The following MACROD2 variants were observed in gnomAD, a reference collection of about 807,000 sequenced individuals.
MACROD2 encodes mono-ADP ribosylhydrolase 2, also known as ADP-ribose glycohydrolase MACROD2.
In MACROD2, 36 loss-of-function variants were observed where a neutral mutation model predicts 70.4. That is an observed-to-expected ratio of 0.51 (90% confidence interval 0.39 to 0.68). The LOEUF (loss-of-function observed/expected upper bound fraction) is 0.68, where lower values mean the gene tolerates loss of function less well. MACROD2 is among the 30% of genes least tolerant of loss of function. The pLI is 0.00. For missense variants in MACROD2, 496 were observed against 538.4 expected (o/e 0.92, Z 0.78); for synonymous variants, 172 against 178.8 (o/e 0.96, Z 0.30).
intron 5 of MACROD2, among the ~76,000 whole-genome samples, chr20:14,820,259 CT>C (rs2072826120): frequency 2.6e-5 from 4 of 151,708 alleles, no homozygotes; most frequent in African/African-American, 9.7e-5. Flanking sequence ...GGCCAAAGAT[CT>C]GGAGGAACCT....
intron 5 of MACROD2, among the ~76,000 whole-genome samples, chr20:15,136,500 G>T: frequency 6.6e-6 from 1 of 152,170 alleles, no homozygotes; most frequent in Non-Finnish European, 1.5e-5. Context: ...GGGAAAACTG[G>T]CTAGCCATAT....
In MACROD2 at chr20:14,723,463, T is replaced by C. The variant is rs148973861; in HGVS notation, c.418+38504T>C. Among the ~76,000 whole-genome samples, 265 of 151,826 alleles carry C rather than the reference T, an allele frequency of 1.7e-3. 1 individual carries two copies. Among genetic ancestry groups the C allele is most frequent in the Middle Eastern group, 3.4e-3 (1 of 294 alleles). ...TTTCATTTTTATTGGGCTTAAAATA[T>C]ATGTTTATCTTCTCTTGATGAAGAT... is the stretch of plus-strand genomic sequence containing the variant. On this transcript the variant is annotated intron_variant, in intron 5 of 17. Coordinates refer to ENST00000684519, the MANE Select transcript of MACROD2 (RefSeq NM_001351661.2).
intron 5 of MACROD2, among the ~76,000 whole-genome samples, chr20:14,689,680 C>G (rs1322863417): frequency 1.3e-5 from 2 of 152,154 alleles, no homozygotes; most frequent in South Asian, 2.1e-4. Flanking sequence ...GTTCAAATAT[C>G]ACTTCTGCCA....
chr20:15,130,037 T>C (rs1393788120), intron 5 of MACROD2, among the ~76,000 whole-genome samples: 1 of 152,096 alleles, frequency 6.6e-6, no homozygotes, highest in Non-Finnish European at 1.5e-5. Context: ...ATTCCCATTT[T>C]ACGATGAACA....
chr20:15,602,542 A>G (rs1172083466), intron 8 of MACROD2, among the ~76,000 whole-genome samples: 1 of 152,202 alleles, frequency 6.6e-6, no homozygotes, highest in African/African-American at 2.4e-5. Context: ...GTTTTAGACT[A>G]TTGGCTTAAC....
chr20:14,466,581 C>T (rs2084453056), intron 3 of MACROD2, among the ~76,000 whole-genome samples: 2 of 152,140 alleles, frequency 1.3e-5, no homozygotes, highest in Admixed American at 1.3e-4. Context: ...TGGTGACGAG[C>T]TGCGTTCCTT....
chr20:14,659,350 C>T, intron 4 of MACROD2, among the ~76,000 whole-genome samples: 1 of 152,132 alleles, frequency 6.6e-6, no homozygotes, highest in African/African-American at 2.4e-5. Context: ...ATTCATTAAT[C>T]TCTATTCATT....
At chr20:14,233,843 AT>A (rs2081844289) in intron 3 of MACROD2, among the ~76,000 whole-genome samples, 1 of 152,032 alleles carries the variant, frequency 6.6e-6, no homozygotes, top group Non-Finnish European at 1.5e-5. Context: ...ACTATATGAC[AT>A]TATGGAAAAG....
chr20:15,925,743 A>G (rs2065479351), intron 10 of MACROD2, among the ~76,000 whole-genome samples: 1 of 152,210 alleles, frequency 6.6e-6, no homozygotes, highest in South Asian at 2.1e-4. Flanking sequence ...AACACGTGTT[A>G]TTAAACTGAA....
At chr20:15,782,645 A>G (rs180837219) in intron 8 of MACROD2, among the ~76,000 whole-genome samples, 11 of 150,560 alleles carry the variant, frequency 7.3e-5, no homozygotes, top group South Asian at 6.3e-4. Context: ...AAATTGGTCA[A>G]ATCAGTTACA....
At chr20:14,505,188 C>T (rs1296409820) in intron 4 of MACROD2, among the ~76,000 whole-genome samples, 1 of 152,114 alleles carries the variant, frequency 6.6e-6, no homozygotes, top group African/African-American at 2.4e-5. Context: ...AATATATCTT[C>T]ATAGTCCTGG....
chr20:14,920,969 C>CA (rs1273908713), intron 5 of MACROD2, among the ~76,000 whole-genome samples: 1 of 151,818 alleles, frequency 6.6e-6, no homozygotes, highest in Non-Finnish European at 1.5e-5. Context: ...GAATTAAGGG[C>CA]AAAAAAACCT....
Position 15,305,357 on chromosome 20 carries a change from A to G in MACROD2, c.540+75296A>G, listed in dbSNP as rs553741912. Among the ~76,000 whole-genome samples the G allele has an allele frequency of 1.4e-3, 213 of 152,294 alleles. 1 individual carries two copies. Among genetic ancestry groups the G allele is most frequent in the African/African-American group, 4.9e-3 (202 of 41,552 alleles). Reference sequence around the variant, plus strand: ...TCCAAAATGATTCAGATTTTAAACAATAGTCCAGAATTATCTGGTTATAAT... The same window carrying G: ...TCCAAAATGATTCAGATTTTAAACAGTAGTCCAGAATTATCTGGTTATAAT... On this transcript the variant is annotated intron_variant, in intron 6 of 17. Transcript: ENST00000684519.
chr20:14,955,815 G>A (rs1472494070), intron 5 of MACROD2, among the ~76,000 whole-genome samples: 2 of 152,108 alleles, frequency 1.3e-5, no homozygotes, highest in Non-Finnish European at 1.5e-5. Context: ...CTGAAGGAGA[G>A]AGGGGGAAGC....
chr20:15,864,614 A>G (rs2064467144), intron 9 of MACROD2, among the ~76,000 whole-genome samples: 1 of 152,068 alleles, frequency 6.6e-6, no homozygotes, highest in African/African-American at 2.4e-5. Context: ...CATACTGCAA[A>G]TTTTTTTTAA....
Position 14,325,468 on chromosome 20 carries a change from C to T in MACROD2, c.272-168011C>T, listed in dbSNP as rs1338368667. On this transcript the variant is annotated intron_variant, in intron 3 of 17. Transcript: ENST00000684519. ...ATTGCTTTTTTTCAGTCTCTTTTTC[C>T]AGTGTTTTGCAGTAGAACAGGGTTC... 1.9e-5 allele frequency: 26 copies of T among 1,333,558 alleles called. No individual in the cohort carries two copies. The East Asian group carries it at 5.6e-4, about 29-fold the overall frequency. The allele number at this position is 1,333,558 out of a possible 1,614,324, so 82.6% of individuals were successfully genotyped here. A position where few individuals can be genotyped will look rare whatever the true frequency, so the allele number is the denominator to read the frequency against.
intron 6 of MACROD2, among the ~76,000 whole-genome samples, chr20:15,246,560 A>C (rs1363859215): frequency 6.6e-6 from 1 of 152,144 alleles, no homozygotes; most frequent in East Asian, 1.9e-4. Flanking sequence ...TAATCAAATC[A>C]ATGGGAAATA....
At chr20:14,600,343 T>TATATATATATATATATAC (rs1320891260) in intron 4 of MACROD2, among the ~76,000 whole-genome samples, 1 of 130,198 alleles carries the variant, frequency 7.7e-6, no homozygotes, top group African/African-American at 3.1e-5. Context: ...TATATATATA[T>TATATATATATATATATAC]ACACACACAC....
intron 3 of MACROD2, among the ~76,000 whole-genome samples, chr20:14,258,098 A>T (rs576566814): frequency 4.6e-4 from 70 of 152,214 alleles, no homozygotes; most frequent in Non-Finnish European, 8.2e-4. Flanking sequence ...GTATTCTATG[A>T]TGTATATATG....
Sources: allele counts gnomAD v4.1 joint callset (sites outside exome capture counted in the v4.1 genomes callset), GRCh38; gene constraint gnomAD v4.1.1; transcripts MANE v1.5; gene names NCBI Gene and HGNC (gene_info 2026-07-23, HGNC 2026-07-21).